The following PIP4K2A variants were observed in gnomAD, a reference collection of about 807,000 sequenced individuals.
PIP4K2A encodes phosphatidylinositol-5-phosphate 4-kinase type 2 alpha.
PIP4K2A carries 14 observed loss-of-function variants against 42.9 expected under a neutral mutation model. The observed-to-expected ratio is 0.33, with a 90% CI of 0.22 to 0.51. The LOEUF (loss-of-function observed/expected upper bound fraction) is 0.51, where lower values mean the gene tolerates loss of function less well. PIP4K2A is among the 20% of genes least tolerant of loss of function. PIP4K2A has a pLI of 0.97. For missense variants in PIP4K2A, 434 were observed against 519.8 expected, an observed-to-expected ratio of 0.83 and a Z score of 1.61; for synonymous variants, 192 against 192.2, an observed-to-expected ratio of 1.00 and a Z score of 0.01.
At chr10:22,712,913 G>GGTGTGTGTGTGTGTGTGTGTGT (rs35439666) in intron 1 of PIP4K2A, among the ~76,000 whole-genome samples, 4 of 147,502 alleles carry the variant, frequency 2.7e-5, no homozygotes, top group African/African-American at 1.0e-4. Context: ...CTACATTGAG[G>GGTGTGTGTGTGTGTGTGTGTGT]GTGTGTGTGT....
At chr10:22,637,988 T>C (rs1455512533) in intron 1 of PIP4K2A, among the ~76,000 whole-genome samples, 2 of 152,172 alleles carry the variant, frequency 1.3e-5, no homozygotes, top group Non-Finnish European at 2.9e-5. Flanking sequence ...CTCTGGAAAA[T>C]CTGCTCTTTG....
intron 1 of PIP4K2A, among the ~76,000 whole-genome samples, chr10:22,617,861 C>G (rs1479152558): frequency 6.6e-6 from 1 of 152,180 alleles, no homozygotes; most frequent in Non-Finnish European, 1.5e-5. Flanking sequence ...AAAGGGCTCA[C>G]TTTATCTCCC....
chr10:22,538,091 G>A (rs1337255504), intron 9 of PIP4K2A, among the ~76,000 whole-genome samples: 4 of 152,220 alleles, frequency 2.6e-5, no homozygotes, highest in East Asian at 3.8e-4. Flanking sequence ...GGGCAAGCAC[G>A]GAGTTTTGCT....
chr10:22,580,246 T>A (rs190646409), intron 4 of PIP4K2A, among the ~76,000 whole-genome samples: 1,812 of 148,390 alleles, frequency 0.012, 17 homozygotes, highest in Admixed American at 0.02. Flanking sequence ...CCAAAAAAAA[T>A]ATTTCTATCT....
chr10:22,552,837 C>G (rs575630256), intron 6 of PIP4K2A, among the ~76,000 whole-genome samples: 8 of 152,180 alleles, frequency 5.3e-5, no homozygotes, highest in African/African-American at 1.9e-4. Flanking sequence ...TGCCTCAATT[C>G]CACAACCCAT....
chr10:22,694,527 G>C (rs1374423966), intron 1 of PIP4K2A: 1 of 152,204 alleles, frequency 6.6e-6, no homozygotes, highest in Non-Finnish European at 1.5e-5. Context: ...TTTTAAGAAT[G>C]ATTAACACAT....
intron 1 of PIP4K2A, among the ~76,000 whole-genome samples, chr10:22,638,084 A>C (rs1359658399): frequency 6.6e-6 from 1 of 152,188 alleles, no homozygotes; most frequent in Admixed American, 6.5e-5. Flanking sequence ...AACACAGTGG[A>C]ATTTGCACTA....
At chr10:22,687,720 T>C (rs1012120049) in intron 1 of PIP4K2A, among the ~76,000 whole-genome samples, 2 of 152,318 alleles carry the variant, frequency 1.3e-5, no homozygotes, top group African/African-American at 4.8e-5. Context: ...CACATCCTCC[T>C]GGATACTCTA....
chr10:22,566,426 C>T (rs1032425970), intron 6 of PIP4K2A, among the ~76,000 whole-genome samples: 3 of 152,212 alleles, frequency 2.0e-5, no homozygotes, highest in African/African-American at 7.2e-5. Flanking sequence ...ACCTACCCAA[C>T]TGCCTAAACC....
At chr10:22,614,211 T>A (rs1838120511) in intron 1 of PIP4K2A, among the ~76,000 whole-genome samples, 1 of 152,230 alleles carries the variant, frequency 6.6e-6, no homozygotes, top group Admixed American at 6.5e-5. Flanking sequence ...GTAGAGAATG[T>A]TTGGTCCTCT....
intron 1 of PIP4K2A, among the ~76,000 whole-genome samples, chr10:22,682,119 A>G (rs117989352): frequency 0.083 from 12,625 of 152,210 alleles, 691 homozygotes; most frequent in Middle Eastern, 0.21. Context: ...TTAATTCAAG[A>G]TATAAAAATG....
intron 1 of PIP4K2A, among the ~76,000 whole-genome samples, chr10:22,713,157 T>A (rs1833941465): frequency 6.6e-6 from 1 of 152,194 alleles, no homozygotes; most frequent in Non-Finnish European, 1.5e-5. Flanking sequence ...TGTTTCCTGA[T>A]CCTATCGAAG....
intron 9 of PIP4K2A, 83 bp downstream of exon 9, chr10:22,539,886 GGA>G (rs982297619): frequency 9.0e-4 from 626 of 695,770 alleles, no homozygotes; most frequent in Middle Eastern, 1.9e-3. Context: ...AGAGGAGCCA[GGA>G]GAGAGAGAGA....
At chr10:22,602,936 C>CA (rs1158957834) in intron 3 of PIP4K2A, among the ~76,000 whole-genome samples, 1 of 152,134 alleles carries the variant, frequency 6.6e-6, no homozygotes, top group Non-Finnish European at 1.5e-5. Context: ...CTCCTGCCCT[C>CA]AGGCAGTTTA....
intron 3 of PIP4K2A, among the ~76,000 whole-genome samples, chr10:22,593,374 A>G (rs973768065): frequency 3.3e-5 from 5 of 152,216 alleles, no homozygotes; most frequent in African/African-American, 7.2e-5. Flanking sequence ...ATAATCCCCA[A>G]TGACTTTAAA....
At chr10:22,556,197 C>T (rs138139441) in intron 6 of PIP4K2A, among the ~76,000 whole-genome samples, 18 of 152,240 alleles carry the variant, frequency 1.2e-4, no homozygotes, top group African/African-American at 2.4e-4. Context: ...ACAGGACCCA[C>T]GGGGAACACA....
chr10:22,553,577 C>A (rs921468595), intron 6 of PIP4K2A, among the ~76,000 whole-genome samples: 1 of 152,160 alleles, frequency 6.6e-6, no homozygotes, highest in Non-Finnish European at 1.5e-5. Flanking sequence ...TGCAATTTAA[C>A]TAAGGTCTCA....
At position 22,703,032 on chromosome 10, in the gene PIP4K2A, TAGG is replaced by T. The variant is rs1328343178; in HGVS notation, c.144+11148_144+11150del. On this transcript the variant is annotated intron_variant, in intron 1 of 9. Transcript: ENST00000376573. ...TGATAGTGGAGGGGCTCCCTTAGCT[TAGG>T]AGGTCAGAGAGGCCATCTGAGAAGG... 2.6e-5 allele frequency among the ~76,000 whole-genome samples: 4 copies of T among 152,222 alleles called. No homozygotes were observed. The East Asian group carries it at 7.7e-4, about 29-fold the overall frequency.
chr10:22,672,439 G>C (rs915756429), intron 1 of PIP4K2A, among the ~76,000 whole-genome samples: 1 of 152,110 alleles, frequency 6.6e-6, no homozygotes, highest in Admixed American at 6.5e-5. Flanking sequence ...TGGATAACAC[G>C]CCCACTTCAG....
Sources: allele counts gnomAD v4.1 joint callset (sites outside exome capture counted in the v4.1 genomes callset), GRCh38; gene constraint gnomAD v4.1.1; transcripts MANE v1.5; gene names NCBI Gene and HGNC (gene_info 2026-07-23, HGNC 2026-07-21).